The following CUX1 variants were observed in gnomAD, a reference collection of about 807,000 sequenced individuals.
CUX1 encodes cut like homeobox 1, also known as protein CASP.
In CUX1, 31 loss-of-function variants were observed where a neutral mutation model predicts 158.8. That is an observed-to-expected ratio of 0.20 (90% CI 0.15 to 0.26). The LOEUF (loss-of-function observed/expected upper bound fraction) is 0.26, where lower values mean the gene tolerates loss of function less well. Among genes scored for constraint, CUX1 ranks in the 10% least tolerant of loss-of-function variants. CUX1 has a pLI of 1.00. For synonymous variants in CUX1, 879 were observed against 862.1 expected (o/e 1.02, Z -0.34); for missense variants, 1,589 against 2,014.6 (o/e 0.79, Z 4.04).
chr7:101,871,066 T>C (rs1584828339), intron 1 of CUX1, among the ~76,000 whole-genome samples: 1 of 152,284 alleles, frequency 6.6e-6, no homozygotes, highest in East Asian at 1.9e-4. Flanking sequence ...TGTTTTCTTC[T>C]CAAAACCTGC....
intron 2 of CUX1, among the ~76,000 whole-genome samples, chr7:101,917,834 A>G (rs764700075): frequency 6.6e-6 from 1 of 152,130 alleles, no homozygotes; most frequent in African/African-American, 2.4e-5. Flanking sequence ...GAGGGTTTCC[A>G]TAGAAAATCT....
chr7:101,856,870 C>G (rs1176722842), intron 1 of CUX1, among the ~76,000 whole-genome samples: 1 of 152,212 alleles, frequency 6.6e-6, no homozygotes, highest in African/African-American at 2.4e-5. Flanking sequence ...TGTGTCCCCA[C>G]CTTGGCTCTC....
intron 1 of CUX1, among the ~76,000 whole-genome samples, chr7:101,849,408 C>T (rs1796036905): frequency 2.0e-5 from 3 of 151,952 alleles, no homozygotes; most frequent in South Asian, 2.1e-4. Context: ...TTAGCTCCCA[C>T]TTATAAGTGA....
At chr7:101,826,401 C>T (rs1793304370) in intron 1 of CUX1, among the ~76,000 whole-genome samples, 1 of 151,904 alleles carries the variant, frequency 6.6e-6, no homozygotes, top group South Asian at 2.1e-4. Context: ...AGGGTTTTGC[C>T]CTGTTCCCCA....
intron 3 of CUX1, among the ~76,000 whole-genome samples, chr7:102,066,189 C>T (rs547999701): frequency 2.6e-5 from 4 of 152,204 alleles, no homozygotes; most frequent in Non-Finnish European, 4.4e-5. Flanking sequence ...CTGGTGGTTT[C>T]CTGGTCATCT....
chr7:101,945,136 G>A (rs1464976351), intron 2 of CUX1, among the ~76,000 whole-genome samples: 3 of 152,160 alleles, frequency 2.0e-5, no homozygotes, highest in Admixed American at 2.0e-4. Context: ...TGCTAGGTGC[G>A]TGCTGGGAGT....
chr7:102,263,620 G>A (rs564910074), intron 14 of CUX1, among the ~76,000 whole-genome samples: 1 of 151,926 alleles, frequency 6.6e-6, no homozygotes, highest in South Asian at 2.1e-4. Context: ...CCAGCCGAAA[G>A]GGGTTAAAGT....
intron 2 of CUX1, among the ~76,000 whole-genome samples, chr7:102,020,580 C>T (rs952137584): frequency 1.3e-5 from 2 of 152,058 alleles, no homozygotes; most frequent in African/African-American, 4.8e-5. Context: ...CTACCAGGAC[C>T]TTATAAAAAG....
At chr7:101,851,173 A>G (rs1056763052) in intron 1 of CUX1, among the ~76,000 whole-genome samples, 57 of 152,240 alleles carry the variant, frequency 3.7e-4, no homozygotes, top group South Asian at 6.2e-4. Context: ...GGCTCAATCA[A>G]TTTTCAAATA....
chr7:102,039,391 C>G (rs1019037883), intron 3 of CUX1, among the ~76,000 whole-genome samples: 13 of 152,088 alleles, frequency 8.5e-5, no homozygotes, highest in Non-Finnish European at 1.2e-4. Flanking sequence ...GCCAACCTTT[C>G]CAGTCTTTGA....
intron 20 of CUX1, among the ~76,000 whole-genome samples, chr7:102,220,966 C>T (rs1288669365): frequency 6.6e-6 from 1 of 152,208 alleles, no homozygotes; most frequent in Non-Finnish European, 1.5e-5. Context: ...CCACCTCGGC[C>T]TCCCAAATGT....
At chr7:102,280,652 G>A in intron 19 of CUX1, 1 of 672,432 alleles carries the variant, frequency 1.5e-6, no homozygotes, top group Non-Finnish European at 2.6e-6. Context: ...TGTGCACCCA[G>A]GGAAGCCCCT....
At chr7:102,145,427 C>T (rs1303789248) in intron 8 of CUX1, among the ~76,000 whole-genome samples, 1 of 151,156 alleles carries the variant, frequency 6.6e-6, no homozygotes, top group Non-Finnish European at 1.5e-5. Flanking sequence ...GTGATGATCT[C>T]GCGATGGTGT....
intron 6 of CUX1, 39 bp downstream of exon 6, chr7:102,104,498 A>G (rs1200647545): frequency 6.2e-7 from 1 of 1,602,844 alleles, no homozygotes; most frequent in East Asian, 2.2e-5. Context: ...CTGACATAGC[A>G]TTTGCCCCTG....
chr7:102,100,713 T>A (rs1371334863), intron 5 of CUX1, among the ~76,000 whole-genome samples: 1 of 151,998 alleles, frequency 6.6e-6, no homozygotes, highest in Admixed American at 6.6e-5. Flanking sequence ...ATGCCTATAA[T>A]CCTAGCACTT....
At chr7:102,151,541 C>T (rs942593816) in intron 8 of CUX1, among the ~76,000 whole-genome samples, 7 of 151,308 alleles carry the variant, frequency 4.6e-5, no homozygotes, top group Non-Finnish European at 7.4e-5. Flanking sequence ...GCAACAAGAG[C>T]GAAACTCCAT....
downstream of CUX1, among the ~76,000 whole-genome samples, chr7:102,260,030 C>T (rs763148876): frequency 1.0e-4 from 15 of 150,462 alleles, no homozygotes; most frequent in South Asian, 2.1e-4. Context: ...AGGAGTTCAA[C>T]GCTGCAGTGA....
At chr7:102,010,656 T>C (rs1817895158) in intron 2 of CUX1, among the ~76,000 whole-genome samples, 1 of 152,184 alleles carries the variant, frequency 6.6e-6, no homozygotes, top group Non-Finnish European at 1.5e-5. Context: ...CATAGGGACA[T>C]GTCACATGCA....
At chr7:101,831,003 C>A (rs147348270) in intron 1 of CUX1, among the ~76,000 whole-genome samples, 395 of 152,204 alleles carry the variant, frequency 2.6e-3, no homozygotes, top group African/African-American at 9.1e-3. Context: ...CGAATGGATC[C>A]TGTTCAAGCC....
Sources: allele counts gnomAD v4.1 joint callset (sites outside exome capture counted in the v4.1 genomes callset), GRCh38; gene constraint gnomAD v4.1.1; transcripts MANE v1.5; gene names NCBI Gene and HGNC (gene_info 2026-07-23, HGNC 2026-07-21).